LOC128462377: variants seen among roughly 807,000 people sequenced by gnomAD.
At chr16:89,328,144 C>T in the LOC128462377 span, among the ~76,000 whole-genome samples, 4 of 98,816 alleles carry the variant, frequency 4.0e-5, no homozygotes, top group Admixed American at 1.0e-4. Flanking sequence ...AACTTAAAGC[C>T]GCAATGAGAT....
chr16:89,416,295 C>A, the LOC128462377 span, among the ~76,000 whole-genome samples: 1 of 151,902 alleles, frequency 6.6e-6, no homozygotes, highest in Non-Finnish European at 1.5e-5. Flanking sequence ...TATTTTGAAT[C>A]CATCGATTTT....
the LOC128462377 span, among the ~76,000 whole-genome samples, chr16:89,377,474 CGG>C: frequency 7.7e-6 from 1 of 129,458 alleles, no homozygotes; most frequent in Non-Finnish European, 1.6e-5. Context: ...ACATGTGGGC[CGG>C]GGCAGGAGGG....
chr16:89,352,112 A>C, the LOC128462377 span, among the ~76,000 whole-genome samples: 3 of 152,058 alleles, frequency 2.0e-5, no homozygotes, highest in Non-Finnish European at 4.4e-5. Context: ...ATTGGTCTCA[A>C]ACTCCTGACC....
the LOC128462377 span, among the ~76,000 whole-genome samples, chr16:89,348,545 G>C: frequency 6.6e-6 from 1 of 152,136 alleles, no homozygotes; most frequent in Non-Finnish European, 1.5e-5. Flanking sequence ...TAAATGTATA[G>C]TACAAATGAC....
At chr16:89,318,357 C>T in the LOC128462377 span, among the ~76,000 whole-genome samples, 1 of 152,254 alleles carries the variant, frequency 6.6e-6, no homozygotes, top group Non-Finnish European at 1.5e-5. Context: ...CCCAAAGCCA[C>T]TGTCCCCCCA....
chr16:89,416,900 C>G, the LOC128462377 span, among the ~76,000 whole-genome samples: 1 of 152,068 alleles, frequency 6.6e-6, no homozygotes, highest in Admixed American at 6.6e-5. Flanking sequence ...CTCATCGCTG[C>G]CCCCCTTTTC....
At chr16:89,343,013 A>C in the LOC128462377 span, among the ~76,000 whole-genome samples, 3 of 152,304 alleles carry the variant, frequency 2.0e-5, no homozygotes, top group East Asian at 5.8e-4. Context: ...GTTTGCAAAT[A>C]TAAGCGCTTT....
At chr16:89,394,848 CT>C in the LOC128462377 span, among the ~76,000 whole-genome samples, 1 of 152,128 alleles carries the variant, frequency 6.6e-6, no homozygotes. Context: ...AACGTCCAGA[CT>C]CCTCATTTCC....
chr16:89,337,135 G>A, the LOC128462377 span, among the ~76,000 whole-genome samples: 1 of 151,530 alleles, frequency 6.6e-6, no homozygotes, highest in Non-Finnish European at 1.5e-5. Flanking sequence ...GCAGTGAGTT[G>A]AGATCACACC....
the LOC128462377 span, among the ~76,000 whole-genome samples, chr16:89,413,518 G>A: frequency 3.9e-5 from 6 of 152,266 alleles, no homozygotes; most frequent in African/African-American, 1.4e-4. Context: ...CCAGCTACTT[G>A]GGAGGCTGAG....
the LOC128462377 span, among the ~76,000 whole-genome samples, chr16:89,352,560 G>A: frequency 6.6e-6 from 1 of 152,160 alleles, no homozygotes; most frequent in Non-Finnish European, 1.5e-5. Flanking sequence ...TGAGGCCCCT[G>A]TCAGGGCCAC....
At chr16:89,415,967 C>T in the LOC128462377 span, among the ~76,000 whole-genome samples, 1 of 151,976 alleles carries the variant, frequency 6.6e-6, no homozygotes, top group Non-Finnish European at 1.5e-5. Flanking sequence ...TCTGTAGCAA[C>T]ACTGCAGTCT....
At chr16:89,334,878 A>G in the LOC128462377 span, among the ~76,000 whole-genome samples, 1 of 152,242 alleles carries the variant, frequency 6.6e-6, no homozygotes, top group South Asian at 2.1e-4. Context: ...GAAGAGCCAG[A>G]CACGAGTGTG....
chr16:89,334,394 T>C, the LOC128462377 span, among the ~76,000 whole-genome samples: 83 of 151,884 alleles, frequency 5.5e-4, no homozygotes, highest in Non-Finnish European at 1.1e-3. Context: ...AGGTTCTGAG[T>C]GGGTCCAGCT....
the LOC128462377 span, among the ~76,000 whole-genome samples, chr16:89,322,793 G>C: frequency 6.6e-6 from 1 of 152,276 alleles, no homozygotes; most frequent in East Asian, 1.9e-4. Flanking sequence ...GGTGTGGCCT[G>C]CCTGCAGCAC....
At chr16:89,333,336 CGTTT>C in the LOC128462377 span, among the ~76,000 whole-genome samples, 1 of 152,198 alleles carries the variant, frequency 6.6e-6, no homozygotes, top group African/African-American at 2.4e-5. Flanking sequence ...CGAGAGTGGC[CGTTT>C]GTTACAGCTG....
At chr16:89,402,636 T>G in the LOC128462377 span, among the ~76,000 whole-genome samples, 13 of 36,550 alleles carry the variant, frequency 3.6e-4, no homozygotes, top group South Asian at 9.2e-4. Flanking sequence ...GAGCTGTGGG[T>G]GGGGGGGGCA....
the LOC128462377 span, among the ~76,000 whole-genome samples, chr16:89,375,661 G>T: frequency 2.0e-5 from 3 of 151,506 alleles, no homozygotes; most frequent in African/African-American, 7.3e-5. Flanking sequence ...CACCATGTTG[G>T]CCAGGCTGGT....
chr16:89,323,598 T>G, the LOC128462377 span, among the ~76,000 whole-genome samples: 3 of 72,554 alleles, frequency 4.1e-5, no homozygotes, highest in Non-Finnish European at 1.0e-4. Context: ...GCAGGGGGGC[T>G]GAGCCCGGGG....
Sources: allele counts gnomAD v4.1 joint callset (sites outside exome capture counted in the v4.1 genomes callset), GRCh38; gene constraint gnomAD v4.1.1; transcripts MANE v1.5.